Variants in XKR4 observed in about 807,000 individuals in gnomAD.
XKR4 encodes XK related 4, also known as XK-related protein 4.
XKR4 carries 12 observed loss-of-function variants against 53.9 expected under a neutral mutation model. The ratio of observed to expected loss-of-function variants is 0.22; its 90% CI spans 0.14 to 0.36. The LOEUF is 0.36. Among genes scored for constraint, XKR4 ranks in the 10% least tolerant of loss-of-function variants. XKR4 has a pLI of 1.00. For synonymous variants in XKR4, 354 were observed against 362.4 expected (o/e 0.98, Z 0.26); for missense variants, 799 against 859.5 (o/e 0.93, Z 0.88).
At chr8:55,145,674 C>A (rs572532490) in intron 1 of XKR4, among the ~76,000 whole-genome samples, 1 of 152,282 alleles carries the variant, frequency 6.6e-6, no homozygotes, top group East Asian at 1.9e-4. Context: ...ATTTGCTATT[C>A]AAGAACCTAA....
intron 1 of XKR4, among the ~76,000 whole-genome samples, chr8:55,159,334 G>A (rs1270645430): frequency 6.6e-6 from 1 of 152,108 alleles, no homozygotes; most frequent in African/African-American, 2.4e-5. Context: ...GATGAACAAA[G>A]CAAACATCCC....
chr8:55,108,749 A>G (rs1021645857), intron 1 of XKR4, among the ~76,000 whole-genome samples: 2 of 152,156 alleles, frequency 1.3e-5, no homozygotes, highest in African/African-American at 4.8e-5. Context: ...TATTAGTCAC[A>G]TTTAACTGTC....
In XKR4 at chr8:55,445,319, A is replaced by G. The variant is rs566669872; in HGVS notation, c.1007-77962A>G. Among the ~76,000 whole-genome samples, 428 of 152,254 alleles carry G rather than the reference A, an allele frequency of 2.8e-3. 1 individual carries two copies. Among genetic ancestry groups the G allele is most frequent in the African/African-American group, 9.7e-3 (405 of 41,546 alleles). Reference sequence around the variant, plus strand: ...TGATCCACCTGCCTCAGCCTCCCAAAGTGCTGGGATTACAGGTGTGAGCCA... The same window carrying G: ...TGATCCACCTGCCTCAGCCTCCCAAGGTGCTGGGATTACAGGTGTGAGCCA... On this transcript the variant is annotated intron_variant, in intron 2 of 2. Transcript: ENST00000327381.
At chr8:55,130,365 C>A (rs1356593678) in intron 1 of XKR4, among the ~76,000 whole-genome samples, 1 of 152,106 alleles carries the variant, frequency 6.6e-6, no homozygotes, top group Non-Finnish European at 1.5e-5. Context: ...TATGCAGAAA[C>A]CTGAGACAGG....
intron 2 of XKR4, among the ~76,000 whole-genome samples, chr8:55,383,944 C>T (rs181230730): frequency 7.2e-5 from 11 of 152,230 alleles, no homozygotes; most frequent in East Asian, 5.8e-4. Flanking sequence ...AATAGTCCCA[C>T]GTTCTGGCTT....
In XKR4 at chr8:55,370,067, A is replaced by AAAC. The variant is rs767644178; in HGVS notation, c.1006+12210_1006+12212dup. Reference sequence around the variant, plus strand: ...AGAGCGAGACCCCCATCTGTAGGAAAAACAACAACAACAACAACAACACTA... The same window carrying AAAC: ...AGAGCGAGACCCCCATCTGTAGGAAAAACAACAACAACAACAACAACAACACTA... On this transcript the variant is annotated intron_variant, in intron 2 of 2. Coordinates refer to ENST00000327381, the MANE Select transcript of XKR4 (RefSeq NM_052898.2). Among the ~76,000 whole-genome samples, 18 of 152,214 alleles carry AAAC rather than the reference A, an allele frequency of 1.2e-4. No homozygotes were observed. In the South Asian group the frequency reaches 1.5e-3, roughly 12 times the overall value.
intron 1 of XKR4, among the ~76,000 whole-genome samples, chr8:55,306,732 C>T (rs989141873): frequency 6.6e-6 from 1 of 152,176 alleles, no homozygotes; most frequent in African/African-American, 2.4e-5. Flanking sequence ...GGTGGGGACG[C>T]AGCCTGACCT....
intron 2 of XKR4, among the ~76,000 whole-genome samples, chr8:55,498,259 G>T (rs948925167): frequency 1.4e-4 from 21 of 152,184 alleles, no homozygotes; most frequent in African/African-American, 4.8e-4. Context: ...GACTAACCCG[G>T]TCCCACTGCT....
intron 1 of XKR4, among the ~76,000 whole-genome samples, chr8:55,159,005 A>G (rs974725859): frequency 1.3e-5 from 2 of 152,084 alleles, no homozygotes; most frequent in Non-Finnish European, 2.9e-5. Flanking sequence ...TTTTTTTCCA[A>G]TTCTGTGAAG....
At chr8:55,419,578 G>A (rs1804895918) in intron 2 of XKR4, among the ~76,000 whole-genome samples, 1 of 152,170 alleles carries the variant, frequency 6.6e-6, no homozygotes, top group African/African-American at 2.4e-5. Flanking sequence ...CTATCTCCCT[G>A]AGGCTTTTAA....
At chr8:55,498,606 T>C (rs1349078454) in intron 2 of XKR4, among the ~76,000 whole-genome samples, 1 of 152,000 alleles carries the variant, frequency 6.6e-6, no homozygotes, top group Non-Finnish European at 1.5e-5. Context: ...TGGCCATCTC[T>C]ACAAAAAAAT....
At chr8:55,230,231 A>G (rs954037833) in intron 1 of XKR4, among the ~76,000 whole-genome samples, 3 of 152,236 alleles carry the variant, frequency 2.0e-5, no homozygotes, top group Non-Finnish European at 4.4e-5. Flanking sequence ...ATGATAGAGC[A>G]GTAAATAAAA....
chr8:55,287,390 C>CAATATGCAA lies in XKR4; in HGVS notation c.807-70288_807-70287insAATATGCAA, dbSNP rs111334940. Reference sequence around the variant, plus strand: ...TCTAAGCACATTTGCATATTAGAGGCTTCACATGTGTCTATTAACACTATG... The same window carrying CAATATGCAA: ...TCTAAGCACATTTGCATATTAGAGGCAATATGCAATTCACATGTGTCTATTAACACTATG... On this transcript the variant is annotated intron_variant, in intron 1 of 2. Coordinates refer to ENST00000327381, the MANE Select transcript of XKR4 (RefSeq NM_052898.2). Among the ~76,000 whole-genome samples, 348 of 152,320 alleles carry CAATATGCAA rather than the reference C, an allele frequency of 2.3e-3. 1 individual carries two copies. The highest frequency in any genetic ancestry group is 7.8e-3 in the African/African-American group (326 of 41,572).
At chr8:55,320,413 C>G (rs1037517781) in intron 1 of XKR4, among the ~76,000 whole-genome samples, 8 of 152,176 alleles carry the variant, frequency 5.3e-5, no homozygotes. Flanking sequence ...TTAACTCACT[C>G]ATCACCAACA....
At chr8:55,183,864 T>A (rs1212553549) in intron 1 of XKR4, among the ~76,000 whole-genome samples, 1 of 152,208 alleles carries the variant, frequency 6.6e-6, no homozygotes, top group Admixed American at 6.5e-5. Context: ...GGGATTTGCC[T>A]ATTTCTCTTT....
At chr8:55,256,002 G>T (rs1365229784) in intron 1 of XKR4, among the ~76,000 whole-genome samples, 1 of 151,406 alleles carries the variant, frequency 6.6e-6, no homozygotes, top group Non-Finnish European at 1.5e-5. Flanking sequence ...GGATGCCGGG[G>T]TGCGTCAAGC....
intron 2 of XKR4, among the ~76,000 whole-genome samples, chr8:55,443,130 G>A (rs1563351100): frequency 2.6e-5 from 4 of 152,090 alleles, no homozygotes; most frequent in Non-Finnish European, 4.4e-5. Flanking sequence ...AATTTATCAT[G>A]CTAGTATAAC....
chr8:55,141,246 C>A (rs991580063), intron 1 of XKR4, among the ~76,000 whole-genome samples: 2 of 152,274 alleles, frequency 1.3e-5, no homozygotes, highest in South Asian at 4.1e-4. Flanking sequence ...GCCTGGCTGT[C>A]GCAGGACCGC....
At chr8:55,121,991 A>G (rs116927620) in intron 1 of XKR4, among the ~76,000 whole-genome samples, 2,431 of 152,274 alleles carry the variant, frequency 0.016, 28 homozygotes, top group Middle Eastern at 0.048. Flanking sequence ...TGTATGTATA[A>G]ATGGCAGAAA....
Sources: allele counts gnomAD v4.1 joint callset (sites outside exome capture counted in the v4.1 genomes callset), GRCh38; gene constraint gnomAD v4.1.1; transcripts MANE v1.5; gene names NCBI Gene and HGNC (gene_info 2026-07-23, HGNC 2026-07-21).